SPSB1: variants seen among roughly 807,000 people sequenced by gnomAD.
The protein encoded by SPSB1 is SPRY domain-containing SOCS box protein 1.
Under a neutral mutation model 21.2 loss-of-function variants are expected in SPSB1, and 8 were observed. That is an observed-to-expected ratio of 0.38 (90% confidence interval 0.22 to 0.68). The LOEUF is 0.68. Ranked by LOEUF, SPSB1 falls within the 30% of genes least tolerant of loss-of-function variation. SPSB1 has a pLI of 0.53. For missense variants in SPSB1, 242 were observed against 377.8 expected (o/e 0.64, Z 2.98); for synonymous variants, 169 against 161.7 (o/e 1.05, Z -0.34).
At chr1:9,366,961 G>A (rs952181913) in intron 2 of SPSB1, among the ~76,000 whole-genome samples, 2 of 152,230 alleles carry the variant, frequency 1.3e-5, no homozygotes, top group Admixed American at 6.5e-5. Flanking sequence ...TAGTGCTGGG[G>A]GTGCGTGCCA....
chr1:9,329,385 T>C (rs1639876495), intron 1 of SPSB1, among the ~76,000 whole-genome samples: 1 of 151,494 alleles, frequency 6.6e-6, no homozygotes, highest in African/African-American at 2.4e-5. Flanking sequence ...GATGGAGAGG[T>C]CAGGGGAGGT....
rs1250190640 is a variant in SPSB1, at chr1:9,319,390, TTCTCCTC to T, written c.-150+26320_-150+26326del. 1.3e-3 allele frequency among the ~76,000 whole-genome samples: 189 copies of T among 150,648 alleles called. 3 individuals are homozygous for T. The highest frequency in any genetic ancestry group is 4.5e-3 in the African/African-American group (183 of 40,236). On this transcript the variant is annotated intron_variant, in intron 1 of 2. Transcript: ENST00000328089. ...AGCCCCCACAGGTCAGGTGCTTTGC[TTCTCCTC>T]CCTCCTCCCTCCTCCTTCCTCCCTC...
At chr1:9,308,849 A>G (rs1557446848) in intron 1 of SPSB1, among the ~76,000 whole-genome samples, 1 of 152,116 alleles carries the variant, frequency 6.6e-6, no homozygotes, top group Non-Finnish European at 1.5e-5. Flanking sequence ...GGAACGTGCC[A>G]GTCCTGTTGA....
At chr1:9,303,353 GA>G (rs942406438) in intron 1 of SPSB1, among the ~76,000 whole-genome samples, 27 of 152,314 alleles carry the variant, frequency 1.8e-4, no homozygotes, top group African/African-American at 5.8e-4. Context: ...TGTTGCAGAC[GA>G]AAGGAACACA....
rs187796123 is a variant in SPSB1 at position 9,316,068 on chromosome 1, G to A, written c.-150+22997G>A. On this transcript the variant is annotated intron_variant, in intron 1 of 2. Coordinates refer to ENST00000328089, the MANE Select transcript of SPSB1 (RefSeq NM_025106.4). ...GGTGCCCAAGGTCAGGGAGGTGGTGGGTCCGCAGCGGCACAGTGGTCTCCG... is the reference window on the plus strand; with the variant it reads ...GGTGCCCAAGGTCAGGGAGGTGGTGAGTCCGCAGCGGCACAGTGGTCTCCG... 3.5e-3 allele frequency among the ~76,000 whole-genome samples: 534 copies of A among 152,282 alleles called. 4 individuals carry two copies. Among genetic ancestry groups the A allele is most frequent in the African/African-American group, 0.012 (486 of 41,566 alleles).
At chr1:9,302,601 G>A (rs1639352512) in intron 1 of SPSB1, among the ~76,000 whole-genome samples, 1 of 152,156 alleles carries the variant, frequency 6.6e-6, no homozygotes, top group East Asian at 1.9e-4. Context: ...TTGGACTCTG[G>A]GACTCGTACG....
At position 9,368,520 on chromosome 1, in the gene SPSB1, C is replaced by G. The variant is rs1326491102; in HGVS notation, c.*945C>G. 3 of 152,228 alleles carry G rather than the reference C, an allele frequency of 2.0e-5. No individual in the cohort carries two copies. Among genetic ancestry groups the G allele is most frequent in the Admixed American group, 2.0e-4 (3 of 15,288 alleles). 9.4% of individuals were successfully genotyped at this position (152,228 alleles called of 1,614,324 possible). On this transcript the variant is annotated 3_prime_UTR_variant, in exon 3 of 3. Coordinates refer to ENST00000328089, the MANE Select transcript of SPSB1 (RefSeq NM_025106.4). ...TGTGTCTCCAGGTAACCAGCTAACTCTTGGGCTCAGGCACCCTTGCACAGG... is the reference window on the plus strand; with the variant it reads ...TGTGTCTCCAGGTAACCAGCTAACTGTTGGGCTCAGGCACCCTTGCACAGG...
intron 1 of SPSB1, among the ~76,000 whole-genome samples, chr1:9,296,083 G>A (rs1639219601): frequency 1.3e-5 from 2 of 152,038 alleles, no homozygotes; most frequent in African/African-American, 4.8e-5. Context: ...AGTTCCACTG[G>A]CAGCCAGGTG....
chr1:9,347,943 C>CTTTTTT (rs57731582), intron 1 of SPSB1, among the ~76,000 whole-genome samples: 1 of 132,436 alleles, frequency 7.6e-6, no homozygotes, highest in Non-Finnish European at 1.6e-5. Context: ...TTCCCTGCAA[C>CTTTTTT]TTTTTTTTTT....
chr1:9,302,136 C>T lies in SPSB1; in HGVS notation c.-150+9065C>T, dbSNP rs117363470. ...TCGCCTATCATGCTAAGTGGAACTACGGTCTTGTTATTGCCTTTATTTGGA... is the reference window on the plus strand; with the variant it reads ...TCGCCTATCATGCTAAGTGGAACTATGGTCTTGTTATTGCCTTTATTTGGA... On this transcript the variant is annotated intron_variant, in intron 1 of 2. Coordinates refer to ENST00000328089, the MANE Select transcript of SPSB1 (RefSeq NM_025106.4). Among the ~76,000 whole-genome samples the T allele has an allele frequency of 1.4e-3, 206 of 152,304 alleles. 3 individuals carry two copies. In the East Asian group the frequency reaches 0.025, roughly 18 times the overall value.
Position 9,348,796 on chromosome 1 carries a change from G to A in SPSB1, c.-149-6947G>A, listed in dbSNP as rs968221468. ...TCTGCTTAGAGCCCAGGCTGCCACC[G>A]AGAAATCCAGTAGGGTCACGCGGCT... On this transcript the variant is annotated intron_variant, in intron 1 of 2. Transcript: ENST00000328089. The surrounding 1 kb of genome is among the most constrained non-coding windows in gnomAD (Gnocchi z 4.8). Among the ~76,000 whole-genome samples the A allele has an allele frequency of 1.3e-4, 20 of 152,110 alleles. No homozygotes were observed. Among genetic ancestry groups the A allele is most frequent in the African/African-American group, 1.9e-4 (8 of 41,406 alleles).
chr1:9,310,918 A>G (rs1021281734), intron 1 of SPSB1, among the ~76,000 whole-genome samples: 8 of 152,220 alleles, frequency 5.3e-5, no homozygotes, highest in African/African-American at 1.9e-4. Context: ...TCCGTAATAT[A>G]TAAATTATAC....
chr1:9,350,287 T>G (rs1557462771), intron 1 of SPSB1, among the ~76,000 whole-genome samples: 1 of 152,190 alleles, frequency 6.6e-6, no homozygotes. Flanking sequence ...ACAGGAGAAC[T>G]GTCATTATTT....
chr1:9,326,077 T>C (rs1271350054), intron 1 of SPSB1, among the ~76,000 whole-genome samples: 1 of 151,876 alleles, frequency 6.6e-6, no homozygotes, highest in East Asian at 2.0e-4. Flanking sequence ...TGTCCCTTAG[T>C]TCATCTGTCC....
chr1:9,358,966 G>A lies in SPSB1; in HGVS notation c.694+2381G>A, dbSNP rs116645411. Among the ~76,000 whole-genome samples, 813 of 152,340 alleles carry A rather than the reference G, an allele frequency of 5.3e-3. 2 individuals carry two copies. Among genetic ancestry groups the A allele is most frequent in the Non-Finnish European group, 9.4e-3 (639 of 68,032 alleles). On this transcript the variant is annotated intron_variant, in intron 2 of 2. Transcript: ENST00000328089. ...TGCTTAGTTAGCTCTGCATGAGATGGGAGGTTGGATGCTTTCATAATTTTC... is the reference window on the plus strand; with the variant it reads ...TGCTTAGTTAGCTCTGCATGAGATGAGAGGTTGGATGCTTTCATAATTTTC...
At chr1:9,296,279 T>C (rs532748796) in intron 1 of SPSB1, among the ~76,000 whole-genome samples, 2 of 152,278 alleles carry the variant, frequency 1.3e-5, no homozygotes, top group African/African-American at 4.8e-5. Flanking sequence ...CCATGTCCAT[T>C]CTGCTGAGGA....
Position 9,365,877 on chromosome 1 carries a change from A to C in SPSB1, c.695-1571A>C, listed in dbSNP as rs554067752. ...TTTCAGGGCTTTCCATCTGCAGAAC[A>C]GCGTGGGCGGCCCCACGAAGGTCCA... On this transcript the variant is annotated intron_variant, in intron 2 of 2. Coordinates refer to ENST00000328089, the MANE Select transcript of SPSB1 (RefSeq NM_025106.4). 8.5e-5 allele frequency among the ~76,000 whole-genome samples: 13 copies of C among 152,326 alleles called. 1 individual carries two copies. In the South Asian group the frequency reaches 2.5e-3, roughly 29 times the overall value.
chr1:9,299,368 G>A (rs1639278428), intron 1 of SPSB1, among the ~76,000 whole-genome samples: 1 of 152,192 alleles, frequency 6.6e-6, no homozygotes, highest in Non-Finnish European at 1.5e-5. Context: ...GCTGGGCACG[G>A]TGGCTCACTC....
intron 1 of SPSB1, among the ~76,000 whole-genome samples, chr1:9,295,262 G>C (rs914550072): frequency 2.0e-5 from 3 of 152,034 alleles, no homozygotes; most frequent in Non-Finnish European, 4.4e-5. Context: ...GGTTGGGGAG[G>C]TGTGGAGTGG....
Sources: allele counts gnomAD v4.1 joint callset (sites outside exome capture counted in the v4.1 genomes callset), GRCh38; gene constraint gnomAD v4.1.1; non-coding constraint Gnocchi (gnomAD v3.1); transcripts MANE v1.5; gene names NCBI Gene and HGNC (gene_info 2026-07-23, HGNC 2026-07-21).